The following RSAD2 variants were observed in gnomAD, a reference collection of about 807,000 sequenced individuals.
RSAD2 encodes S-adenosylmethionine-dependent nucleotide dehydratase RSAD2.
A neutral mutation model predicts 37.7 loss-of-function variants in RSAD2; 38 were observed. The ratio of observed to expected loss-of-function variants is 1.01; its 90% CI spans 0.78 to 1.32. RSAD2 has a LOEUF of 1.32. RSAD2 is among the 40% of genes most tolerant of loss of function. The pLI, the probability that RSAD2 is intolerant of heterozygous loss-of-function variation, is 0.00. For synonymous variants in RSAD2, 163 were observed against 157.4 expected, an observed-to-expected ratio of 1.04 and a Z score of -0.27; for missense variants, 428 against 437.5, an observed-to-expected ratio of 0.98 and a Z score of 0.19.
intron 1 of RSAD2, among the ~76,000 whole-genome samples, chr2:6,870,762 T>C (rs1214481839): frequency 1.3e-5 from 2 of 152,198 alleles, no homozygotes. Flanking sequence ...AGTCAGTCTA[T>C]GCCAGTCTAT....
intron 1 of RSAD2, chr2:6,879,049 C>G: frequency 2.2e-6 from 1 of 456,646 alleles, no homozygotes; most frequent in South Asian, 1.5e-5. Flanking sequence ...CTGGTAAGCA[C>G]TTGCTGGACT....
intron 1 of RSAD2, among the ~76,000 whole-genome samples, chr2:6,881,126 C>A (rs1270338781): frequency 6.6e-6 from 1 of 152,156 alleles, no homozygotes; most frequent in Non-Finnish European, 1.5e-5. Context: ...AGTTTTGTGC[C>A]ACTGGCCAGG....
At position 6,893,712 on chromosome 2, in the gene RSAD2, T is replaced by A. The variant is rs778707717; in HGVS notation, c.921+9T>A. ...TTATTCTGGATGAATATGTGAGTAT[T>A]TCCAATGAGTTATAAAATTAAAACT... On this transcript the variant is annotated intron_variant, in intron 5 of 5. Transcript: ENST00000382040. The A allele has an allele frequency of 1.0e-5, 16 of 1,573,600 alleles. No homozygotes were observed. The Admixed American group carries it at 2.7e-4, about 26-fold the overall frequency.
intron 4 of RSAD2, 66 bp downstream of exon 4, chr2:6,890,391 C>G (rs1663606283): frequency 6.4e-7 from 1 of 1,552,080 alleles, no homozygotes; most frequent in Admixed American, 1.7e-5. Context: ...AAAGGGAAGT[C>G]TCTCAGCCAA....
chr2:6,866,794 T>A (rs952825506), intron 1 of RSAD2, among the ~76,000 whole-genome samples: 11 of 149,164 alleles, frequency 7.4e-5, no homozygotes, highest in Non-Finnish European at 1.3e-4. Context: ...GAGACGAAGA[T>A]TGAAAACATT....
upstream of RSAD2, among the ~76,000 whole-genome samples, chr2:6,873,747 C>A (rs548643611): frequency 7.9e-5 from 12 of 152,126 alleles, no homozygotes; most frequent in Non-Finnish European, 1.3e-4. Flanking sequence ...AATATCAAAA[C>A]CCTAAATTAA....
Position 6,870,501 on chromosome 2 carries a change from C to T in RSAD2, c.142+4456C>T, listed in dbSNP as rs77593576. On this transcript the variant is annotated intron_variant, in intron 1 of 5. Transcript: ENST00000442639. ...TAAGTCTTCCCGAATTCATACCTTC[C>T]ATGCTTTGGATGAGGTCTCAGAGAC... Among the ~76,000 whole-genome samples, 83 of 152,318 alleles carry T rather than the reference C, an allele frequency of 5.4e-4. 2 individuals are homozygous for T. In the East Asian group the frequency reaches 0.015, roughly 28 times the overall value.
intron 4 of RSAD2, 87 bp from the exon 5 acceptor site, chr2:6,893,584 A>G: frequency 1.9e-6 from 2 of 1,047,222 alleles, no homozygotes; most frequent in East Asian, 2.4e-5. Context: ...CCAAAACAAT[A>G]CAATGCAAAC....
At chr2:6,893,547 A>G (rs577992494) in intron 4 of RSAD2, 124 bp from the exon 5 acceptor site, 22 of 781,744 alleles carry the variant, frequency 2.8e-5, no homozygotes, top group African/African-American at 1.7e-4. Context: ...GCCAAAGGCA[A>G]CTCAAGGGAA....
At chr2:6,867,337 TTC>T (rs1663117245) in intron 1 of RSAD2, among the ~76,000 whole-genome samples, 1 of 152,214 alleles carries the variant, frequency 6.6e-6, no homozygotes, top group Non-Finnish European at 1.5e-5. Context: ...GACCGCCTCC[TTC>T]TCTCTGTGTT....
intron 2 of RSAD2, chr2:6,883,927 G>A (rs912570578): frequency 5.8e-6 from 1 of 170,974 alleles, no homozygotes; most frequent in Non-Finnish European, 1.3e-5. Flanking sequence ...CTCGTGGTGT[G>A]TGGATTAGCC....
chr2:6,893,796 C>A, intron 5 of RSAD2, 93 bp downstream of exon 5: 1 of 833,594 alleles, frequency 1.2e-6, no homozygotes, highest in African/African-American at 1.7e-5. Flanking sequence ...CTATCTAGTA[C>A]CTATTTGTCC....
chr2:6,874,407 A>C (rs1663248268), upstream of RSAD2, among the ~76,000 whole-genome samples: 1 of 152,214 alleles, frequency 6.6e-6, no homozygotes, highest in African/African-American at 2.4e-5. Flanking sequence ...TAGTTTAATG[A>C]TTGTATGCCA....
chr2:6,889,174 T>C (rs1663580839), intron 3 of RSAD2, among the ~76,000 whole-genome samples: 2 of 152,184 alleles, frequency 1.3e-5, no homozygotes, highest in Admixed American at 6.5e-5. Context: ...TCAAGTCTGC[T>C]CATGATTCAA....
At chr2:6,893,629 A>G in intron 4 of RSAD2, 42 bp from the exon 5 acceptor site, 1 of 1,535,004 alleles carries the variant, frequency 6.5e-7, no homozygotes, top group Middle Eastern at 1.7e-4. Context: ...CATACTGAGA[A>G]ATGCACCTGA....
chr2:6,874,551 A>G (rs1414110034), upstream of RSAD2, among the ~76,000 whole-genome samples: 5 of 152,340 alleles, frequency 3.3e-5, no homozygotes, highest in East Asian at 5.8e-4. Context: ...TTATTGTTTT[A>G]AATTCTTCTC....
intron 5 of RSAD2, among the ~76,000 whole-genome samples, 176 bp from the exon 6 acceptor site, chr2:6,895,602 A>G (rs62108131): frequency 0.084 from 12,805 of 152,294 alleles, 595 homozygotes; most frequent in South Asian, 0.12. Context: ...CCACCAGACC[A>G]TGAGCTGGTT....
intron 1 of RSAD2, 58 bp downstream of exon 1, chr2:6,878,204 G>C: frequency 7.0e-7 from 1 of 1,424,320 alleles, no homozygotes; most frequent in Non-Finnish European, 9.6e-7. Context: ...AGTGGGGTAA[G>C]GCGAGAAGGG....
chr2:6,871,361 A>G (rs1663201378), intron 1 of RSAD2, among the ~76,000 whole-genome samples: 1 of 152,312 alleles, frequency 6.6e-6, no homozygotes, highest in Admixed American at 6.5e-5. Flanking sequence ...AAAAGGTTCT[A>G]AACTATTTCT....
Sources: allele counts gnomAD v4.1 joint callset (sites outside exome capture counted in the v4.1 genomes callset), GRCh38; gene constraint gnomAD v4.1.1; transcripts MANE v1.5; gene names NCBI Gene and HGNC (gene_info 2026-07-23, HGNC 2026-07-21).